Variants in CDK11B observed in about 807,000 individuals in gnomAD.
CDK11B encodes the protein cyclin-dependent kinase 11B.
Under a neutral mutation model 84.0 loss-of-function variants are expected in CDK11B, and 37 were observed. The ratio of observed to expected loss-of-function variants is 0.44; its 90% CI spans 0.34 to 0.58. The LOEUF is 0.58. CDK11B is among the 20% of genes least tolerant of loss of function. The pLI is 0.02. For missense variants in CDK11B, 427 were observed against 834.0 expected (o/e 0.51, Z 6.01); for synonymous variants, 269 against 309.8 (o/e 0.87, Z 1.38).
chr1:1,654,846 G>A (rs1381158863), intron 3 of CDK11B, among the ~76,000 whole-genome samples: 2 of 151,112 alleles, frequency 1.3e-5, no homozygotes, highest in Non-Finnish European at 2.9e-5. Context: ...TTTTAGTAGA[G>A]ACGGGGTTTC....
Position 1,637,503 on chromosome 1 carries a change from A to C in CDK11B, c.1475T>G (p.Val492Gly). Residue 492 changes from valine (V) to glycine (G), a missense_variant, in exon 14 of 20, where the codon GTG becomes GGG. Physicochemically the swap from Val to Gly is moderately radical, Grantham distance 109 (BLOSUM62 -3). Around this residue, in one of 12 missense-constraint regions of CDK11B, gnomAD observed 24 missense variants for 93.2 expected, o/e 0.26. Transcript: ENST00000341832. Reference sequence around the variant, plus strand: ...GTAGATCTTGTCCATGTTGCTGCCCACCACAATCTCCTGCAGGGCACGGCT... The same window carrying C: ...GTAGATCTTGTCCATGTTGCTGCCCCCCACAATCTCCTGCAGGGCACGGCT... Reference protein sequence around the residue: ...PNIVTVREIVVGSNMDKIYIV... With the variant: ...PNIVTVREIVGGSNMDKIYIV... The C allele has an allele frequency of 6.2e-7, 1 of 1,613,140 alleles. No homozygotes were observed.
At chr1:1,656,515 G>A (rs1642769032) in intron 2 of CDK11B, among the ~76,000 whole-genome samples, 1 of 151,868 alleles carries the variant, frequency 6.6e-6, no homozygotes, top group South Asian at 2.1e-4. Flanking sequence ...GGCCGGGCGC[G>A]GAGGCTCATG....
intron 11 of CDK11B, among the ~76,000 whole-genome samples, chr1:1,639,947 G>A (rs1267551513): frequency 1.3e-5 from 2 of 151,544 alleles, no homozygotes; most frequent in Admixed American, 6.6e-5. Context: ...CCCACGCAGG[G>A]GTCAAGTGGA....
rs547644109 is a variant in CDK11B, at chr1:1,643,610, A to G, written c.632-1102T>C. The stretch of plus-strand genomic sequence containing the variant: ...AGGAAGATGTGGAGAAAGTCAAGAA[A>G]ATGACGCGTGAACACGACGGAAATA... On this transcript the variant is annotated intron_variant, in intron 6 of 19. Transcript: ENST00000341832. 1.4e-4 allele frequency among the ~76,000 whole-genome samples: 20 copies of G among 146,870 alleles called. 1 individual carries two copies. Among genetic ancestry groups the G allele is most frequent in the Admixed American group, 1.3e-3 (19 of 15,082 alleles).
At chr1:1,637,647 G>T in intron 13 of CDK11B, 115 bp downstream of exon 13, 2 of 1,608,746 alleles carry the variant, frequency 1.2e-6, no homozygotes, top group South Asian at 1.1e-5. Context: ...TGTGTGGTCT[G>T]TGAAGGGCTC....
Position 1,640,241 on chromosome 1 carries a change from T to C in CDK11B, c.1251+36A>G, listed in dbSNP as rs367978640. On this transcript the variant is annotated intron_variant, in intron 11 of 19. Transcript: ENST00000341832. ...CCCCTGTGGTAACTCCGACTGCCAA[T>C]GCGGACAGTGGCCCGGGGCGAGGGG... 2.1e-5 allele frequency: 34 copies of C among 1,609,446 alleles called. 2 individuals carry two copies. In the African/African-American group the frequency reaches 3.6e-4, roughly 17 times the overall value.
intron 5 of CDK11B, among the ~76,000 whole-genome samples, chr1:1,647,714 C>CG (rs1375393483): frequency 1.3e-5 from 2 of 152,254 alleles, no homozygotes; most frequent in African/African-American, 4.8e-5. Flanking sequence ...GTCTCTGCTG[C>CG]ACGTCTTTGG....
At position 1,640,369 on chromosome 1, in the gene CDK11B, C is replaced by T. The variant is rs761764777; in HGVS notation, c.1159G>A (p.Ala387Thr). The T allele has an allele frequency of 5.3e-5, 86 of 1,613,594 alleles. No homozygotes were observed. Among genetic ancestry groups the T allele is most frequent in the Non-Finnish European group, 6.6e-5 (78 of 1,179,678 alleles). Residue 387 changes from alanine to threonine, a missense_variant, in exon 11 of 20, where the codon GCC (alanine) becomes ACC (threonine). Physicochemically the swap from Ala to Thr is moderately conservative, Grantham distance 58. Coordinates refer to ENST00000341832, the MANE Select transcript of CDK11B (RefSeq NM_033486.3). The stretch of plus-strand genomic sequence containing the variant: ...GGCACATAGTCGCCCTCTGTCAGGG[C>T]GCTGCTCTGCGGCGTTCCCTCACCC... ...EVGEGTPQSS[A>T]LTEGDYVPDS...
intron 1 of CDK11B, among the ~76,000 whole-genome samples, 180 bp from the exon 2 acceptor site, chr1:1,657,678 C>T (rs1343429214): frequency 3.2e-5 from 4 of 125,218 alleles, no homozygotes; most frequent in African/African-American, 1.3e-4. Flanking sequence ...GCGAGCAGAT[C>T]GCTGGAGTTC....
chr1:1,635,583 G>A lies in CDK11B; in HGVS notation c.*181C>T. 6.2e-6 allele frequency: 3 copies of A among 485,196 alleles called. 1 individual carries two copies. Among genetic ancestry groups the A allele is most frequent in the East Asian group, 4.3e-5 (1 of 23,302 alleles). The allele number at this position is 485,196 out of a possible 1,614,324, so 30.1% of individuals were successfully genotyped here. A position where few individuals can be genotyped will look rare whatever the true frequency, so the allele number is the denominator to read the frequency against. On this transcript the variant is annotated 3_prime_UTR_variant, in exon 20 of 20. Transcript: ENST00000341832. ...CTGGGCAAGTCACGGAGAAAACACA[G>A]CTCTTTCCTCCACAACAAGGAAAAT... is the stretch of plus-strand genomic sequence containing the variant.
In CDK11B at chr1:1,637,012, G is replaced by A. The variant is rs373597943; in HGVS notation, c.1693-8C>T. On this transcript the variant is annotated splice_region_variant and splice_polypyrimidine_tract_variant and intron_variant, in intron 15 of 19. Coordinates refer to ENST00000341832, the MANE Select transcript of CDK11B (RefSeq NM_033486.3). ...CAGCCCGAAGTCACCCACCTGCAAC[G>A]ACAGATGGGCGGCTGTGAGTGGGCC... 183 of 1,612,902 alleles carry A rather than the reference G, an allele frequency of 1.1e-4. 1 individual carries two copies. The African/African-American group carries it at 1.9e-3, about 17-fold the overall frequency.
chr1:1,654,008 C>A, intron 3 of CDK11B: 1 of 397,552 alleles, frequency 2.5e-6, no homozygotes. Flanking sequence ...GACTCTGTGT[C>A]AAAGCAACAA....
At chr1:1,641,313 A>C (rs1207755747) in intron 9 of CDK11B, among the ~76,000 whole-genome samples, 200 bp from the exon 10 acceptor site, 1 of 147,248 alleles carries the variant, frequency 6.8e-6, no homozygotes, top group African/African-American at 2.4e-5. Context: ...GTTCGAGACC[A>C]TCCTGGCCAA....
At chr1:1,655,253 G>A in intron 3 of CDK11B, 116 bp downstream of exon 3, 4 of 1,282,156 alleles carry the variant, frequency 3.1e-6, no homozygotes, top group Non-Finnish European at 4.2e-6. Flanking sequence ...GTAACTCTAG[G>A]AAAGAGTAAA....
intron 11 of CDK11B, among the ~76,000 whole-genome samples, chr1:1,639,161 G>A (rs1325562916): frequency 1.3e-5 from 2 of 151,532 alleles, no homozygotes; most frequent in Admixed American, 6.6e-5. Context: ...GGCTGGTCTC[G>A]AACTCCTGAC....
intron 2 of CDK11B, among the ~76,000 whole-genome samples, chr1:1,656,407 C>T (rs1454372464): frequency 1.3e-5 from 2 of 152,144 alleles, no homozygotes; most frequent in African/African-American, 2.4e-5. Context: ...AGGAGAACTG[C>T]TTGAACACAG....
rs772464576 is a variant in CDK11B at position 1,655,466 on chromosome 1, TGGAATCCCGGTC to T, written c.118_129del (p.Asp40_Ser43del). Reference sequence around the variant, plus strand: ...TCCCCCTCCTCAAGGGAATCCCGCTTGGAATCCCGGTCATCAGACTAAGAAGCAAAGAGAAAG... The same window carrying T: ...TCCCCCTCCTCAAGGGAATCCCGCTTATCAGACTAAGAAGCAAAGAGAAAG... On this transcript the variant is annotated inframe_deletion, in exon 3 of 20. Transcript: ENST00000341832. 6.2e-7 allele frequency: 1 copy of T among 1,611,078 alleles called. No homozygotes were observed. The highest frequency in any genetic ancestry group is 8.5e-7 in the Non-Finnish European group (1 of 1,177,502).
At chr1:1,644,886 C>T (rs928461389) in intron 6 of CDK11B, among the ~76,000 whole-genome samples, 6 of 146,790 alleles carry the variant, frequency 4.1e-5, no homozygotes, top group Admixed American at 2.7e-4. Flanking sequence ...CCTGCTACTC[C>T]GGAGGCTGAG....
intron 4 of CDK11B, among the ~76,000 whole-genome samples, chr1:1,650,595 GA>G (rs1179905154): frequency 6.7e-6 from 1 of 149,536 alleles, no homozygotes; most frequent in African/African-American, 2.5e-5. Context: ...TTGATGTTCT[GA>G]CCTCGTGATC....
Sources: gnomAD v4.1 joint callset for allele counts (sites outside exome capture counted in the v4.1 genomes callset) on GRCh38, gnomAD v4.1.1 for gene constraint, gnomAD v4.1.1 regional missense constraint, MANE v1.5 for transcripts, NCBI Gene and HGNC (gene_info 2026-07-23, HGNC 2026-07-21) for gene names.